BEAN1: variants seen among roughly 807,000 people sequenced by gnomAD.
BEAN1 encodes the protein brain expressed associated with NEDD4 1.
Under a neutral mutation model 17.7 loss-of-function variants are expected in BEAN1, and 17 were observed. The observed-to-expected ratio is 0.96, with a 90% CI of 0.66 to 1.44. The LOEUF is 1.44. BEAN1 is among the 40% of genes most tolerant of loss of function. The probability of loss-of-function intolerance (pLI) is 0.00; values close to 1 mark genes in which losing one functional copy is unlikely to be tolerated. For synonymous variants in BEAN1, 142 were observed against 151.8 expected, an observed-to-expected ratio of 0.94 and a Z score of 0.47; for missense variants, 359 against 374.1, an observed-to-expected ratio of 0.96 and a Z score of 0.33.
Position 66,446,413 on chromosome 16 carries a change from A to G in BEAN1, c.25+8712A>G, listed in dbSNP as rs140815151. 1.1e-4 allele frequency among the ~76,000 whole-genome samples: 16 copies of G among 152,228 alleles called. No homozygotes were observed. The East Asian group carries it at 2.1e-3, about 20-fold the overall frequency. On this transcript the variant is annotated intron_variant, in intron 2 of 4. Coordinates refer to ENST00000536005, the MANE Select transcript of BEAN1 (RefSeq NM_001178020.3). ...GCTGCCATTTGCTGAGATGGGGAAT[A>G]TTATGGGCAGGTTTGGTGGGGGGCT...
intron 2 of BEAN1, among the ~76,000 whole-genome samples, chr16:66,461,321 G>A (rs193184570): frequency 1.1e-4 from 16 of 152,236 alleles, no homozygotes; most frequent in East Asian, 3.9e-4. Flanking sequence ...TACCTCTGCC[G>A]GTTGTGGTGA....
chr16:66,473,852 C>A lies in BEAN1; in HGVS notation c.290-3708C>A, dbSNP rs182871937. On this transcript the variant is annotated intron_variant, in intron 3 of 4. Coordinates refer to ENST00000536005, the MANE Select transcript of BEAN1 (RefSeq NM_001178020.3). The surrounding 1 kb of genome is among the most constrained non-coding windows in gnomAD (Gnocchi z 4.5). Reference sequence around the variant, plus strand: ...TGACTCAAGCCCTCCTGGCCTCTCTCCCACCCCTCTGGCTGCGGATTCCTC... The same window carrying A: ...TGACTCAAGCCCTCCTGGCCTCTCTACCACCCCTCTGGCTGCGGATTCCTC... Among the ~76,000 whole-genome samples the A allele has an allele frequency of 6.6e-6, 1 of 152,252 alleles. No homozygotes were observed. The highest frequency in any genetic ancestry group is 1.9e-4 in the East Asian group (1 of 5,186).
chr16:66,467,173 A>C (rs1025798745), intron 2 of BEAN1, among the ~76,000 whole-genome samples: 1 of 152,234 alleles, frequency 6.6e-6, no homozygotes, highest in African/African-American at 2.4e-5. Flanking sequence ...ACATGTTCTT[A>C]CGCTAAAGAC....
intron 1 of BEAN1, among the ~76,000 whole-genome samples, chr16:66,436,427 C>T (rs1271665995): frequency 6.6e-5 from 10 of 150,480 alleles, no homozygotes; most frequent in Non-Finnish European, 1.5e-5. Flanking sequence ...GCCACCATGC[C>T]CGGCTAATTT....
chr16:66,474,641 G>GGAGA (rs1597038373), intron 3 of BEAN1, among the ~76,000 whole-genome samples: 1 of 64,560 alleles, frequency 1.5e-5, no homozygotes, highest in Non-Finnish European at 3.0e-5. Context: ...AGGGAGGGAG[G>GGAGA]GAGGGAGGGG....
At chr16:66,470,722 T>C (rs1963452484) in intron 3 of BEAN1, among the ~76,000 whole-genome samples, 1 of 152,220 alleles carries the variant, frequency 6.6e-6, no homozygotes, top group African/African-American at 2.4e-5. Flanking sequence ...TCTGTGCATG[T>C]GGCTAGAATG....
At chr16:66,435,271 A>G (rs755795290) in intron 1 of BEAN1, among the ~76,000 whole-genome samples, 2 of 152,088 alleles carry the variant, frequency 1.3e-5, no homozygotes, top group Non-Finnish European at 2.9e-5. Context: ...CTCTTCCTCC[A>G]TCTCTTCTCT....
At chr16:66,447,317 G>T (rs1456611705) in intron 2 of BEAN1, among the ~76,000 whole-genome samples, 2 of 152,116 alleles carry the variant, frequency 1.3e-5, no homozygotes, top group Non-Finnish European at 2.9e-5. Flanking sequence ...AAGAGACCCA[G>T]GTTTGAAAAC....
chr16:66,450,207 C>A (rs1318893982), intron 2 of BEAN1, among the ~76,000 whole-genome samples: 2 of 152,226 alleles, frequency 1.3e-5, no homozygotes, highest in East Asian at 3.8e-4. Flanking sequence ...CCCAGCTCTA[C>A]ACGATTGTCT....
chr16:66,441,366 G>C (rs1962249359), intron 2 of BEAN1, among the ~76,000 whole-genome samples: 1 of 152,154 alleles, frequency 6.6e-6, no homozygotes, highest in South Asian at 2.1e-4. Context: ...GGAAATCCCA[G>C]GAGGGCACTC....
At chr16:66,448,199 C>T (rs1347379024) in intron 2 of BEAN1, among the ~76,000 whole-genome samples, 2 of 146,876 alleles carry the variant, frequency 1.4e-5, no homozygotes, top group African/African-American at 2.6e-5. Flanking sequence ...TAGAGAGATG[C>T]TCTAGGGTTT....
chr16:66,437,718 C>T lies in BEAN1; in HGVS notation c.25+17C>T, dbSNP rs945092875. ...CCTGCCCCTGTAAGTTTCCTCCCCA[C>T]ATCCTTCCACCACTTGGGGCCAGGC... On this transcript the variant is annotated intron_variant, in intron 2 of 4. Transcript: ENST00000536005. The T allele has an allele frequency of 4.0e-5, 62 of 1,533,242 alleles. No homozygotes were observed. The highest frequency in any genetic ancestry group is 5.3e-5 in the Non-Finnish European group (61 of 1,144,362). The allele number at this position is 1,533,242 out of a possible 1,614,324, so 95.0% of individuals were successfully genotyped here. A position where few individuals can be genotyped will look rare whatever the true frequency, so the allele number is the denominator to read the frequency against.
At chr16:66,468,494 GGAAGGGTTTGCACT>G (rs1963342497) in intron 2 of BEAN1, among the ~76,000 whole-genome samples, 1 of 152,192 alleles carries the variant, frequency 6.6e-6, no homozygotes, top group African/African-American at 2.4e-5. Flanking sequence ...GGCAGCCTCA[GGAAGGGTTTGCACT>G]GAGAGCAGGA....
At chr16:66,445,862 G>C (rs1435976036) in intron 2 of BEAN1, among the ~76,000 whole-genome samples, 1 of 152,110 alleles carries the variant, frequency 6.6e-6, no homozygotes, top group Admixed American at 6.5e-5. Flanking sequence ...GGAGGACCCA[G>C]TTGGAAGCAA....
chr16:66,474,623 AGGG>A (rs1963652035), intron 3 of BEAN1, among the ~76,000 whole-genome samples: 1 of 20,664 alleles, frequency 4.8e-5, no homozygotes, highest in African/African-American at 1.9e-4. Flanking sequence ...GGAGGAAGGG[AGGG>A]AGGGAGGGAG....
chr16:66,484,342 A>C, downstream of BEAN1: 1 of 339,678 alleles, frequency 2.9e-6, no homozygotes, highest in Non-Finnish European at 5.8e-6. This position sits in a 1 kb window ranked among gnomAD's most constrained non-coding sequence, Gnocchi z 4.2. Context: ...ACCGACACCC[A>C]GCTCCCACCA....
intron 4 of BEAN1, among the ~76,000 whole-genome samples, chr16:66,487,882 C>T (rs192264258): frequency 4.7e-4 from 71 of 152,292 alleles, no homozygotes; most frequent in Non-Finnish European, 2.2e-4. Context: ...GTCACACTGA[C>T]GGGCAGAGAG....
intron 2 of BEAN1, among the ~76,000 whole-genome samples, chr16:66,449,945 A>C (rs1962608828): frequency 6.6e-6 from 1 of 152,240 alleles, no homozygotes; most frequent in South Asian, 2.1e-4. Context: ...CCCAGACATT[A>C]TGTAATTTAT....
intron 2 of BEAN1, among the ~76,000 whole-genome samples, chr16:66,466,015 T>C (rs1276001615): frequency 1.3e-5 from 2 of 152,224 alleles, no homozygotes; most frequent in East Asian, 1.9e-4. Context: ...AGTGTCACCA[T>C]GTTGGCCAGG....
Sources: allele counts gnomAD v4.1 joint callset (sites outside exome capture counted in the v4.1 genomes callset), GRCh38; gene constraint gnomAD v4.1.1; non-coding constraint Gnocchi (gnomAD v3.1); transcripts MANE v1.5; gene names NCBI Gene and HGNC (gene_info 2026-07-23, HGNC 2026-07-21).